Variants in TMEM30A observed in about 807,000 individuals in gnomAD.
TMEM30A encodes cell cycle control protein 50A.
In TMEM30A, 24 loss-of-function variants were observed where a neutral mutation model predicts 38.2. The ratio of observed to expected loss-of-function variants is 0.63; its 90% CI spans 0.46 to 0.88. The LOEUF (loss-of-function observed/expected upper bound fraction) is 0.88. Ranked by LOEUF, TMEM30A falls within the 40% of genes least tolerant of loss-of-function variation. The pLI is 0.00. For synonymous variants in TMEM30A, 145 were observed against 161.6 expected (o/e 0.90, Z 0.78); for missense variants, 370 against 458.6 (o/e 0.81, Z 1.77).
chr6:75,284,366 G>A (rs374397540), intron 1 of TMEM30A, 36 bp downstream of exon 1: 5 of 1,597,720 alleles, frequency 3.1e-6, no homozygotes, highest in African/African-American at 2.7e-5. Context: ...CTCCTCCCGA[G>A]CAACGCCAAC....
rs746522980 is a variant in TMEM30A at position 75,256,303 on chromosome 6, G to T, written c.893-8C>A. ...AATAATGTACAGGGTAATCTGAAGA[G>T]GGTATAGGAAGATTTTTCCATCTCT... On this transcript the variant is annotated splice_region_variant and splice_polypyrimidine_tract_variant and intron_variant, in intron 6 of 6. Transcript: ENST00000230461. The T allele has an allele frequency of 9.5e-6, 15 of 1,584,296 alleles. No homozygotes were observed. In the East Asian group the frequency reaches 3.4e-4, roughly 36 times the overall value.
chr6:75,275,360 T>C (rs1772242672), intron 1 of TMEM30A, among the ~76,000 whole-genome samples: 1 of 152,200 alleles, frequency 6.6e-6, no homozygotes, highest in Non-Finnish European at 1.5e-5. Context: ...AGTCTCAACC[T>C]TCCCCTTGAA....
intron 1 of TMEM30A, among the ~76,000 whole-genome samples, chr6:75,275,666 C>CT: frequency 6.6e-6 from 1 of 152,294 alleles, no homozygotes; most frequent in Admixed American, 6.5e-5. Flanking sequence ...TATTCTATAT[C>CT]TAACTGCTTT....
intron 6 of TMEM30A, among the ~76,000 whole-genome samples, chr6:75,257,090 T>A (rs1582273234): frequency 6.6e-6 from 1 of 152,188 alleles, no homozygotes; most frequent in African/African-American, 2.4e-5. Context: ...TGGGTCCCTA[T>A]GGGTCCCTAA....
intron 1 of TMEM30A, among the ~76,000 whole-genome samples, chr6:75,282,309 T>G (rs1772371829): frequency 6.6e-6 from 1 of 152,050 alleles, no homozygotes; most frequent in Admixed American, 6.6e-5. Flanking sequence ...CAACTTGAAA[T>G]CAGAATTACA....
chr6:75,257,474 G>C (rs573194682), intron 6 of TMEM30A, among the ~76,000 whole-genome samples: 1 of 152,284 alleles, frequency 6.6e-6, no homozygotes, highest in Admixed American at 6.5e-5. Flanking sequence ...GTGCTTCACA[G>C]ACTTCCCTTC....
rs1044751642 is a variant in TMEM30A, at chr6:75,284,732, CCGCCGCCGCCGCAGCCACCAG to C, written c.-115_-95del. The C allele has an allele frequency of 8.0e-7, 1 of 1,242,738 alleles. No individual in the cohort carries two copies. Among genetic ancestry groups the C allele is most frequent in the African/African-American group, 1.5e-5 (1 of 67,694 alleles). 77.0% of individuals were successfully genotyped at this position (1,242,738 alleles called of 1,614,324 possible). A position where few individuals can be genotyped will look rare whatever the true frequency, so the allele number is the denominator to read the frequency against. On this transcript the variant is annotated 5_prime_UTR_variant, in exon 1 of 7. Transcript: ENST00000230461. ...AGGAACCGCTCGAGCGCCGCTGCCGCCGCCGCCGCCGCAGCCACCAGCGCCACCGCCACAGCCACCTCCGCT... is the reference window on the plus strand; with the variant it reads ...AGGAACCGCTCGAGCGCCGCTGCCGCCGCCACCGCCACAGCCACCTCCGCT...
chr6:75,273,168 A>T (rs903814876), intron 1 of TMEM30A, among the ~76,000 whole-genome samples: 1 of 152,174 alleles, frequency 6.6e-6, no homozygotes, highest in Non-Finnish European at 1.5e-5. Context: ...TTCCTGTCTA[A>T]GCTAGCCAGA....
chr6:75,284,118 C>A (rs537189996), intron 1 of TMEM30A: 1 of 459,354 alleles, frequency 2.2e-6, no homozygotes. Context: ...AAGAAGCGTT[C>A]TCCACCTGAC....
intron 1 of TMEM30A, among the ~76,000 whole-genome samples, chr6:75,273,197 C>T (rs1772204259): frequency 6.6e-6 from 1 of 152,122 alleles, no homozygotes; most frequent in Admixed American, 6.6e-5. Flanking sequence ...CTGCTGCTGA[C>T]AATAAAGCCT....
At chr6:75,265,067 A>G (rs1176942662) in intron 3 of TMEM30A, among the ~76,000 whole-genome samples, 164 bp downstream of exon 3, 4 of 152,034 alleles carry the variant, frequency 2.6e-5, no homozygotes, top group Admixed American at 2.6e-4. Context: ...ACTGCACTCC[A>G]GCCTGGGCGA....
chr6:75,263,944 G>A (rs914042150), intron 3 of TMEM30A, among the ~76,000 whole-genome samples: 2 of 152,106 alleles, frequency 1.3e-5, no homozygotes, highest in Non-Finnish European at 2.9e-5. Flanking sequence ...CTGGGGTTTT[G>A]GAACACACAC....
intron 4 of TMEM30A, among the ~76,000 whole-genome samples, chr6:75,260,281 C>G (rs1012902138): frequency 1.3e-5 from 2 of 152,040 alleles, no homozygotes; most frequent in African/African-American, 2.4e-5. Context: ...TTGCGGGCGC[C>G]TGTAATCCCA....
chr6:75,269,905 G>C (rs1415245186), intron 1 of TMEM30A, among the ~76,000 whole-genome samples: 1 of 152,124 alleles, frequency 6.6e-6, no homozygotes, highest in Non-Finnish European at 1.5e-5. Flanking sequence ...ATGTTGGCTA[G>C]GATGGTGTCT....
intron 5 of TMEM30A, 88 bp downstream of exon 5, chr6:75,259,259 T>C (rs921972133): frequency 1.2e-5 from 17 of 1,426,154 alleles, no homozygotes; most frequent in Non-Finnish European, 1.6e-5. Context: ...TTTCAAAGCA[T>C]AACTTTAAGA....
chr6:75,261,391 G>A (rs1771961299), intron 3 of TMEM30A, among the ~76,000 whole-genome samples: 1 of 152,096 alleles, frequency 6.6e-6, no homozygotes, highest in Non-Finnish European at 1.5e-5. Context: ...TGTGATTTGG[G>A]GTTAAATCCT....
Position 75,284,699 on chromosome 6 carries a change from A to C in TMEM30A, c.-61T>G, listed in dbSNP as rs2149526523. 6.4e-7 allele frequency: 1 copy of C among 1,565,522 alleles called. No homozygotes were observed. Among genetic ancestry groups the C allele is most frequent in the Non-Finnish European group, 8.7e-7 (1 of 1,144,938 alleles). On this transcript the variant is annotated 5_prime_UTR_variant, in exon 1 of 7. Transcript: ENST00000230461. ...GACCACCCAGGGGGCCCGCCGGCTG[A>C]CCCTGACAGGAACCGCTCGAGCGCC...
At position 75,284,727 on chromosome 6, in the gene TMEM30A, T is replaced by A. The variant is rs1405164080; in HGVS notation, c.-89A>T. 2.2e-6 allele frequency: 3 copies of A among 1,355,026 alleles called. No individual in the cohort carries two copies. Among genetic ancestry groups the A allele is most frequent in the African/African-American group, 1.4e-5 (1 of 69,896 alleles). The allele number at this position is 1,355,026 out of a possible 1,614,324, so 83.9% of individuals were successfully genotyped here. A position where few individuals can be genotyped will look rare whatever the true frequency, so the allele number is the denominator to read the frequency against. On this transcript the variant is annotated 5_prime_UTR_variant, in exon 1 of 7. Transcript: ENST00000230461. ...CTGACAGGAACCGCTCGAGCGCCGC[T>A]GCCGCCGCCGCCGCCGCAGCCACCA...
intron 1 of TMEM30A, 38 bp downstream of exon 1, chr6:75,284,364 G>C (rs1034473965): frequency 1.3e-6 from 2 of 1,596,014 alleles, no homozygotes; most frequent in Non-Finnish European, 1.7e-6. Context: ...CCCTCCTCCC[G>C]AGCAACGCCA....
Sources: allele counts gnomAD v4.1 joint callset (sites outside exome capture counted in the v4.1 genomes callset), GRCh38; gene constraint gnomAD v4.1.1; transcripts MANE v1.5; gene names NCBI Gene and HGNC (gene_info 2026-07-23, HGNC 2026-07-21).